Variants in SLC38A6 observed in about 807,000 individuals in gnomAD.
SLC38A6 encodes the protein N system amino acid transporter NAT-1.
Under a neutral mutation model 65.0 loss-of-function variants are expected in SLC38A6, and 73 were observed. The observed-to-expected ratio is 1.12, with a 90% CI of 0.93 to 1.37. The LOEUF (loss-of-function observed/expected upper bound fraction) is 1.37, where lower values mean the gene tolerates loss of function less well. Ranked by LOEUF, SLC38A6 falls within the 40% of genes most tolerant of loss-of-function variation. The probability of loss-of-function intolerance (pLI) is 0.00; values close to 1 mark genes in which losing one functional copy is unlikely to be tolerated. For missense variants in SLC38A6, 561 were observed against 531.1 expected, an observed-to-expected ratio of 1.06 and a Z score of -0.55; for synonymous variants, 183 against 178.8, an observed-to-expected ratio of 1.02 and a Z score of -0.19.
At position 61,050,557 on chromosome 14, in the gene SLC38A6, C is replaced by T; in HGVS notation, c.971C>T (p.Ser324Leu). Reference sequence around the variant, plus strand: ...CTAAAAGGTTATAGTAAATACTTATCACATGATGTTGTTGTCATGACTGTG... The same window carrying T: ...CTAAAAGGTTATAGTAAATACTTATTACATGATGTTGTTGTCATGACTGTG... ...ELLKGYSKYL[S>L]HDVVVMTVKL... The change falls in exon 13 of 16, where the codon TCA becomes TTA. Residue 324 changes from serine (S) to leucine (L), a missense_variant. By Grantham distance (145) the Ser-to-Leu change is moderately radical. Coordinates refer to ENST00000267488, the MANE Select transcript of SLC38A6 (RefSeq NM_153811.3). The T allele has an allele frequency of 1.9e-6, 3 of 1,588,858 alleles. No homozygotes were observed. The highest frequency in any genetic ancestry group is 1.7e-5 in the Admixed American group (1 of 59,388).
chr14:61,079,506 C>A (rs2043558491), intron 16 of SLC38A6, among the ~76,000 whole-genome samples: 1 of 152,108 alleles, frequency 6.6e-6, no homozygotes. Context: ...CGTTTCTTCT[C>A]CCTCAAAACC....
intron 3 of SLC38A6, among the ~76,000 whole-genome samples, chr14:60,987,914 C>G (rs944222119): frequency 6.6e-6 from 1 of 152,226 alleles, no homozygotes; most frequent in African/African-American, 2.4e-5. Flanking sequence ...ATTATACCAT[C>G]TATCTCAATT....
intron 15 of SLC38A6, among the ~76,000 whole-genome samples, chr14:61,073,056 C>G (rs1259894457): frequency 1.3e-5 from 2 of 152,184 alleles, no homozygotes. Flanking sequence ...TTATTATTAT[C>G]TGTATTTTTT....
At chr14:61,029,685 A>C (rs2040830896) in intron 5 of SLC38A6, among the ~76,000 whole-genome samples, 1 of 152,218 alleles carries the variant, frequency 6.6e-6, no homozygotes, top group South Asian at 2.1e-4. Context: ...GTGCTATAAA[A>C]GGTAGTTATT....
chr14:61,021,451 C>T (rs1396539746), intron 5 of SLC38A6, among the ~76,000 whole-genome samples: 1 of 152,050 alleles, frequency 6.6e-6, no homozygotes, highest in Non-Finnish European at 1.5e-5. Context: ...TCGGAGTACC[C>T]TTGTAACTAA....
rs113203481 is a variant in SLC38A6 at position 61,062,497 on chromosome 14, CT to C, written c.1290+10374del. On this transcript the variant is annotated intron_variant, in intron 15 of 16. Transcript: ENST00000354886. ...TCTGTTTAGCTCAACTCTCTTTTGC[CT>C]TTTTTTTTTTTAAATACTGGGTCTT... 2.5e-3 allele frequency among the ~76,000 whole-genome samples: 353 copies of C among 140,866 alleles called. 2 individuals are homozygous for C. Among genetic ancestry groups the C allele is most frequent in the Admixed American group, 6.0e-3 (85 of 14,104 alleles). 92.4% of individuals were successfully genotyped at this position (140,866 alleles called of 152,430 possible). A position where few individuals can be genotyped will look rare whatever the true frequency, so the allele number is the denominator to read the frequency against.
intron 1 of SLC38A6, 82 bp from the exon 2 acceptor site, chr14:60,982,426 A>C: frequency 6.4e-7 from 1 of 1,555,936 alleles, no homozygotes; most frequent in South Asian, 1.2e-5. Context: ...TTTTTCCATA[A>C]TCTTTCATTT....
chr14:60,988,611 A>G (rs970067441), intron 3 of SLC38A6, among the ~76,000 whole-genome samples: 1 of 152,032 alleles, frequency 6.6e-6, no homozygotes, highest in Non-Finnish European at 1.5e-5. Context: ...ATCTGCCACC[A>G]CCATCTCCTT....
intron 5 of SLC38A6, among the ~76,000 whole-genome samples, chr14:61,030,001 G>T (rs185293638): frequency 6.6e-6 from 1 of 152,136 alleles, no homozygotes; most frequent in Non-Finnish European, 1.5e-5. Context: ...TCTTTCTCTA[G>T]TAAGAAGGAA....
At chr14:61,046,368 A>G (rs1204705603) in intron 12 of SLC38A6, among the ~76,000 whole-genome samples, 2 of 152,206 alleles carry the variant, frequency 1.3e-5, no homozygotes, top group Non-Finnish European at 2.9e-5. Flanking sequence ...GTTTAAGATT[A>G]ATGACTTCTT....
intron 3 of SLC38A6, among the ~76,000 whole-genome samples, chr14:61,013,055 A>C (rs1259522608): frequency 6.6e-6 from 1 of 152,116 alleles, no homozygotes; most frequent in Non-Finnish European, 1.5e-5. Context: ...TTGCTTTATG[A>C]ATCTGGGTGC....
At chr14:61,016,084 A>C in intron 4 of SLC38A6, 128 bp downstream of exon 4, 1 of 580,584 alleles carries the variant, frequency 1.7e-6, no homozygotes, top group Non-Finnish European at 2.9e-6. Flanking sequence ...AAAGTGAGAA[A>C]AGAGAGAATG....
chr14:61,014,719 G>A (rs971490123), intron 3 of SLC38A6, among the ~76,000 whole-genome samples: 2 of 152,190 alleles, frequency 1.3e-5, no homozygotes, highest in Non-Finnish European at 2.9e-5. Flanking sequence ...AACAGCAAAT[G>A]TTGCTGCCTG....
chr14:61,037,893 T>A (rs2041512855), intron 8 of SLC38A6, among the ~76,000 whole-genome samples: 1 of 152,206 alleles, frequency 6.6e-6, no homozygotes, highest in Non-Finnish European at 1.5e-5. Context: ...AATTCAGCAT[T>A]TCTTGTGGTT....
intron 3 of SLC38A6, among the ~76,000 whole-genome samples, chr14:60,988,597 G>A (rs375012017): frequency 1.3e-5 from 2 of 152,026 alleles, no homozygotes; most frequent in South Asian, 4.2e-4. Flanking sequence ...GTTAGTATCT[G>A]CCCATCTGCC....
chr14:61,009,735 T>A (rs2139459266), intron 3 of SLC38A6, among the ~76,000 whole-genome samples: 1 of 152,348 alleles, frequency 6.6e-6, no homozygotes, highest in South Asian at 2.1e-4. Context: ...GGCTGCATAG[T>A]ATTCCATGGT....
chr14:61,061,251 C>A (rs2042830530), intron 15 of SLC38A6, among the ~76,000 whole-genome samples: 1 of 152,220 alleles, frequency 6.6e-6, no homozygotes, highest in African/African-American at 2.4e-5. Flanking sequence ...TATTGATTTG[C>A]ATATGTTGAA....
chr14:61,062,272 T>G (rs1274992262), intron 15 of SLC38A6, among the ~76,000 whole-genome samples: 5 of 152,232 alleles, frequency 3.3e-5, no homozygotes, highest in Non-Finnish European at 7.3e-5. Context: ...TGTAACATTT[T>G]ATATTCCAGA....
intron 3 of SLC38A6, chr14:60,986,947 A>C (rs2037491102): frequency 7.7e-6 from 2 of 258,428 alleles, no homozygotes; most frequent in East Asian, 3.0e-4. Flanking sequence ...ACATGTATTT[A>C]ACTTTAAGAT....
Sources: gnomAD v4.1 joint callset for allele counts (sites outside exome capture counted in the v4.1 genomes callset) on GRCh38, gnomAD v4.1.1 for gene constraint, MANE v1.5 for transcripts, NCBI Gene and HGNC (gene_info 2026-07-23, HGNC 2026-07-21) for gene names.